Variants in PLEKHS1 observed in about 807,000 individuals in gnomAD.
PLEKHS1 encodes pleckstrin homology domain-containing family S member 1.
A neutral mutation model predicts 51.0 loss-of-function variants in PLEKHS1; 55 were observed. The observed-to-expected ratio is 1.08, with a 90% CI of 0.87 to 1.35. The LOEUF (loss-of-function observed/expected upper bound fraction) is 1.35. Ranked by LOEUF, PLEKHS1 falls within the 40% of genes most tolerant of loss-of-function variation. The pLI is 0.00. For missense variants in PLEKHS1, 398 were observed against 423.0 expected, an observed-to-expected ratio of 0.94 and a Z score of 0.52; for synonymous variants, 153 against 144.8, an observed-to-expected ratio of 1.06 and a Z score of -0.41.
intron 2 of PLEKHS1, among the ~76,000 whole-genome samples, chr10:113,761,635 C>A (rs1843938322): frequency 6.6e-6 from 1 of 151,982 alleles, no homozygotes; most frequent in Admixed American, 6.6e-5. Flanking sequence ...TTGAATACTG[C>A]TGAATTTATT....
At chr10:113,769,814 C>G (rs145174759) in exon 7 of PLEKHS1, 1 of 1,613,906 alleles carries the variant, frequency 6.2e-7, no homozygotes, top group Non-Finnish European at 8.5e-7. Flanking sequence ...TAAAAGAACC[C>G]TCTTCTACTC....
At chr10:113,762,318 C>A (rs1479830141) in intron 2 of PLEKHS1, among the ~76,000 whole-genome samples, 2 of 130,876 alleles carry the variant, frequency 1.5e-5, no homozygotes, top group Non-Finnish European at 3.3e-5. Context: ...TTGAATTCCA[C>A]TTTTATCTTT....
intron 1 of PLEKHS1, 83 bp from the exon 2 acceptor site, chr10:113,755,176 G>C: frequency 6.9e-7 from 1 of 1,447,726 alleles, no homozygotes; most frequent in Non-Finnish European, 9.3e-7. Flanking sequence ...GCACAATCCT[G>C]ATACTCACTG....
At chr10:113,776,068 G>A (rs1844642356) in intron 11 of PLEKHS1, among the ~76,000 whole-genome samples, 2 of 152,204 alleles carry the variant, frequency 1.3e-5, no homozygotes, top group South Asian at 2.1e-4. Flanking sequence ...GCCTGGAGGT[G>A]AGCAGGGGGA....
chr10:113,769,742 G>C (rs1345269386), intron 6 of PLEKHS1, 42 bp from the exon 7 acceptor site: 4 of 1,281,986 alleles, frequency 3.1e-6, no homozygotes, highest in Admixed American at 1.7e-5. Flanking sequence ...ATTCCAGACA[G>C]AGATCAACTG....
intron 6 of PLEKHS1, among the ~76,000 whole-genome samples, chr10:113,769,483 T>C (rs559064709): frequency 6.6e-6 from 1 of 152,214 alleles, no homozygotes; most frequent in Middle Eastern, 3.4e-3. Flanking sequence ...TCAAGTAGAC[T>C]GAAGTGATTA....
chr10:113,772,426 G>A (rs1414244470), intron 8 of PLEKHS1, among the ~76,000 whole-genome samples: 1 of 152,130 alleles, frequency 6.6e-6, no homozygotes. Flanking sequence ...GGATTGCCTT[G>A]AGGAGTCTTT....
At chr10:113,769,663 C>A in intron 6 of PLEKHS1, 121 bp from the exon 7 acceptor site, 1 of 701,744 alleles carries the variant, frequency 1.4e-6, no homozygotes, top group Non-Finnish European at 2.6e-6. Context: ...GGCAGGCCAG[C>A]GGCATGAATG....
intron 1 of PLEKHS1, among the ~76,000 whole-genome samples, chr10:113,752,704 C>T (rs187869663): frequency 6.6e-6 from 1 of 152,206 alleles, no homozygotes; most frequent in Non-Finnish European, 1.5e-5. Flanking sequence ...AACCACCACA[C>T]CCTACTGCCT....
intron 2 of PLEKHS1, 178 bp downstream of exon 2, chr10:113,755,483 C>T (rs1024111353): frequency 4.2e-6 from 5 of 1,203,358 alleles, no homozygotes; most frequent in East Asian, 3.4e-5. Flanking sequence ...ACGATCTAAG[C>T]TCACTGCAAC....
chr10:113,774,289 G>T, exon 9 of PLEKHS1: 2 of 1,592,082 alleles, frequency 1.3e-6, no homozygotes, highest in Non-Finnish European at 1.7e-6. Context: ...GTCCAGACCA[G>T]GTCTCTGGAA....
intron 2 of PLEKHS1, among the ~76,000 whole-genome samples, chr10:113,759,667 T>C (rs1016017800): frequency 2.6e-5 from 4 of 152,216 alleles, no homozygotes; most frequent in African/African-American, 4.8e-5. Flanking sequence ...TGTACTACAA[T>C]TTGTTGATTC....
chr10:113,769,266 AT>A, intron 6 of PLEKHS1, among the ~76,000 whole-genome samples: 1 of 152,326 alleles, frequency 6.6e-6, no homozygotes, highest in Non-Finnish European at 1.5e-5. Flanking sequence ...TGTATCTTGC[AT>A]TTTTAATATA....
chr10:113,767,371 G>A (rs1396515319), exon 5 of PLEKHS1: 1 of 1,609,500 alleles, frequency 6.2e-7, no homozygotes, highest in Non-Finnish European at 8.5e-7. Flanking sequence ...GTTGGCATAA[G>A]TAGCCAGGAA....
intron 2 of PLEKHS1, among the ~76,000 whole-genome samples, chr10:113,763,090 T>C (rs1483041395): frequency 6.6e-6 from 1 of 152,166 alleles, no homozygotes; most frequent in East Asian, 1.9e-4. Flanking sequence ...CATGCAGTTC[T>C]ATCAGTTTTT....
intron 11 of PLEKHS1, chr10:113,777,622 T>C (rs2134584760): frequency 6.5e-7 from 1 of 1,543,708 alleles, no homozygotes; most frequent in Admixed American, 2.0e-5. Flanking sequence ...ATGGTGCTGG[T>C]TGTTGGATAA....
At chr10:113,774,161 A>C in intron 8 of PLEKHS1, 66 bp from the exon 9 acceptor site, 1 of 933,174 alleles carries the variant, frequency 1.1e-6, no homozygotes, top group Non-Finnish European at 1.7e-6. Context: ...TGTTAATACT[A>C]GAAATAAGAA....
chr10:113,770,595 T>A (rs1844361133), intron 7 of PLEKHS1, among the ~76,000 whole-genome samples: 1 of 152,160 alleles, frequency 6.6e-6, no homozygotes, highest in Non-Finnish European at 1.5e-5. Context: ...ATCTAATGAG[T>A]CCTAGTCCCT....
intron 8 of PLEKHS1, 69 bp downstream of exon 8, chr10:113,772,158 T>G (rs1000323506): frequency 1.3e-6 from 2 of 1,543,804 alleles, no homozygotes; most frequent in African/African-American, 1.4e-5. Flanking sequence ...GCCATGCACT[T>G]TTCGTGCAAT....
Sources: allele counts gnomAD v4.1 joint callset (sites outside exome capture counted in the v4.1 genomes callset), GRCh38; gene constraint gnomAD v4.1.1; transcripts MANE v1.5; gene names NCBI Gene and HGNC (gene_info 2026-07-23, HGNC 2026-07-21).